Variants in NHLRC2 observed in about 807,000 individuals in gnomAD.
NHLRC2 encodes the protein NHL repeat containing 2.
A neutral mutation model predicts 68.1 loss-of-function variants in NHLRC2; 33 were observed. The ratio of observed to expected loss-of-function variants is 0.48; its 90% CI spans 0.37 to 0.65. NHLRC2 has a LOEUF of 0.65. Ranked by LOEUF, NHLRC2 falls within the 30% of genes least tolerant of loss-of-function variation. The pLI, the probability that NHLRC2 is intolerant of heterozygous loss-of-function variation, is 0.00. For synonymous variants in NHLRC2, 311 were observed against 309.6 expected (o/e 1.00, Z -0.05); for missense variants, 761 against 853.8 (o/e 0.89, Z 1.35).
intron 2 of NHLRC2, among the ~76,000 whole-genome samples, chr10:113,863,167 C>T (rs2134690387): frequency 6.6e-6 from 1 of 152,260 alleles, no homozygotes; most frequent in South Asian, 2.1e-4. Context: ...TAACACTACC[C>T]AACAACAACA....
At chr10:113,896,772 A>C (rs900758360) in intron 5 of NHLRC2, among the ~76,000 whole-genome samples, 1 of 152,154 alleles carries the variant, frequency 6.6e-6, no homozygotes, top group African/African-American at 2.4e-5. Flanking sequence ...AGGTGGGCAG[A>C]TCACGAGGTT....
intron 2 of NHLRC2, among the ~76,000 whole-genome samples, chr10:113,862,944 C>T (rs1845830401): frequency 6.6e-6 from 1 of 152,134 alleles, no homozygotes; most frequent in African/African-American, 2.4e-5. Context: ...AGTTGGAGAC[C>T]AGCCTGAGTA....
intron 5 of NHLRC2, among the ~76,000 whole-genome samples, chr10:113,887,611 A>G (rs907363885): frequency 6.6e-6 from 1 of 152,088 alleles, no homozygotes; most frequent in African/African-American, 2.4e-5. Context: ...CTATACAAGA[A>G]TACAAAAATT....
intron 2 of NHLRC2, among the ~76,000 whole-genome samples, chr10:113,863,922 A>G (rs1450867340): frequency 2.6e-5 from 4 of 152,236 alleles, no homozygotes; most frequent in Admixed American, 2.6e-4. Flanking sequence ...GAAGAAATAG[A>G]AAACCTGAAT....
intron 10 of NHLRC2, among the ~76,000 whole-genome samples, chr10:113,907,314 A>G (rs1846285590): frequency 6.6e-6 from 1 of 152,254 alleles, no homozygotes; most frequent in Non-Finnish European, 1.5e-5. Context: ...AGAACAAAAG[A>G]AAGAGACAGA....
At chr10:113,855,271 G>A (rs1845736173) in intron 1 of NHLRC2, among the ~76,000 whole-genome samples, 1 of 152,204 alleles carries the variant, frequency 6.6e-6, no homozygotes, top group Non-Finnish European at 1.5e-5. Context: ...CCACATACTC[G>A]TCTGTGTATC....
rs1846297656 is a variant in NHLRC2, at chr10:113,908,780, A to G, written c.*244A>G. The stretch of plus-strand genomic sequence containing the variant: ...TCATCATTGGTACCATGATATTGTA[A>G]TCTATGCTGCTATTTGGCACAAGAC... On this transcript the variant is annotated 3_prime_UTR_variant, in exon 11 of 11. Coordinates refer to ENST00000369301, the MANE Select transcript of NHLRC2 (RefSeq NM_198514.4). The G allele has an allele frequency of 3.9e-6, 2 of 507,052 alleles. No individual in the cohort carries two copies. The highest frequency in any genetic ancestry group is 7.1e-6 in the Non-Finnish European group (2 of 282,484). The allele number at this position is 507,052 out of a possible 1,614,324, so 31.4% of individuals were successfully genotyped here.
In NHLRC2 at chr10:113,915,953, T is replaced by C. The variant is rs1052369811; in HGVS notation, c.*7417T>C. ...CCTGTTATTCCTTCTTTATCTAATG[T>C]GTGCTAAGCTTGTGAAAAATATATG... On this transcript the variant is annotated 3_prime_UTR_variant, in exon 11 of 11. Transcript: ENST00000369301. 1.3e-5 allele frequency: 2 copies of C among 152,222 alleles called. No homozygotes were observed. The highest frequency in any genetic ancestry group is 4.8e-5 in the African/African-American group (2 of 41,460). 9.4% of individuals were successfully genotyped at this position (152,222 alleles called of 1,614,324 possible).
At chr10:113,869,384 G>A (rs916809642) in intron 2 of NHLRC2, among the ~76,000 whole-genome samples, 1 of 152,152 alleles carries the variant, frequency 6.6e-6, no homozygotes, top group South Asian at 2.1e-4. Flanking sequence ...ATATCTTTGA[G>A]ACTTGCCCTT....
At chr10:113,866,885 T>A (rs1845872754) in intron 2 of NHLRC2, among the ~76,000 whole-genome samples, 1 of 151,854 alleles carries the variant, frequency 6.6e-6, no homozygotes, top group Non-Finnish European at 1.5e-5. Flanking sequence ...TGCATGGGGC[T>A]GAGTTGAAGG....
chr10:113,885,703 TAAAA>T (rs1376323702), intron 5 of NHLRC2, among the ~76,000 whole-genome samples: 1 of 152,026 alleles, frequency 6.6e-6, no homozygotes, highest in Non-Finnish European at 1.5e-5. Context: ...TTTTGAGTGA[TAAAA>T]GAAAGTTACA....
intron 5 of NHLRC2, among the ~76,000 whole-genome samples, chr10:113,896,572 T>G: frequency 6.7e-6 from 1 of 150,238 alleles, no homozygotes; most frequent in Admixed American, 6.6e-5. Context: ...TGCTAGATGA[T>G]GAGTTAGTGG....
chr10:113,875,196 C>G (rs1386746210), intron 2 of NHLRC2, among the ~76,000 whole-genome samples: 2 of 151,884 alleles, frequency 1.3e-5, no homozygotes, highest in Non-Finnish European at 2.9e-5. Context: ...CATTGGTAGC[C>G]TTATTTTAGT....
intron 10 of NHLRC2, among the ~76,000 whole-genome samples, chr10:113,906,075 T>A (rs1349348433): frequency 1.3e-5 from 2 of 152,210 alleles, no homozygotes; most frequent in African/African-American, 4.8e-5. Context: ...GACTGCCAAT[T>A]TAAGTCTGGA....
Position 113,914,821 on chromosome 10 carries a change from A to G in NHLRC2, c.*6285A>G, listed in dbSNP as rs986288923. The G allele has an allele frequency of 1.5e-5, 5 of 344,696 alleles. No homozygotes were observed. The highest frequency in any genetic ancestry group is 2.3e-5 in the Non-Finnish European group (4 of 175,262). 21.4% of individuals were successfully genotyped at this position (344,696 alleles called of 1,614,324 possible). On this transcript the variant is annotated 3_prime_UTR_variant, in exon 11 of 11. Coordinates refer to ENST00000369301, the MANE Select transcript of NHLRC2 (RefSeq NM_198514.4). ...ATAATTAAGAGTTTGCTTTTTTCCC[A>G]TGTCTTTGCAATAGGATAATATAAA...
At chr10:113,874,393 A>G (rs1411520537) in intron 2 of NHLRC2, among the ~76,000 whole-genome samples, 5 of 150,902 alleles carry the variant, frequency 3.3e-5, no homozygotes, top group African/African-American at 7.3e-5. Flanking sequence ...TCCCCCAGGC[A>G]ACCATTCCTC....
Position 113,882,715 on chromosome 10 carries a change from T to C in NHLRC2, c.910-1536T>C, listed in dbSNP as rs797000606. 7.9e-5 allele frequency among the ~76,000 whole-genome samples: 12 copies of C among 151,944 alleles called. 1 individual carries two copies. Among genetic ancestry groups the C allele is most frequent in the African/African-American group, 2.9e-4 (12 of 41,556 alleles). ...ATTTTGATGATGACTGATTTGTCCA[T>C]TTTTTCCTTTTGTTGCTTATGTTTT... is the stretch of plus-strand genomic sequence containing the variant. On this transcript the variant is annotated intron_variant, in intron 4 of 10. Coordinates refer to ENST00000369301, the MANE Select transcript of NHLRC2 (RefSeq NM_198514.4).
At chr10:113,886,737 A>G (rs1846086337) in intron 5 of NHLRC2, among the ~76,000 whole-genome samples, 1 of 152,186 alleles carries the variant, frequency 6.6e-6, no homozygotes, top group Non-Finnish European at 1.5e-5. Context: ...AAAATAGATT[A>G]AAGACTCACA....
chr10:113,861,229 A>G (rs149810445), intron 2 of NHLRC2, among the ~76,000 whole-genome samples: 4 of 152,306 alleles, frequency 2.6e-5, no homozygotes, highest in Non-Finnish European at 5.9e-5. Flanking sequence ...TCAGACCAGC[A>G]TGTGCATTTT....
Sources: allele counts gnomAD v4.1 joint callset (sites outside exome capture counted in the v4.1 genomes callset), GRCh38; gene constraint gnomAD v4.1.1; transcripts MANE v1.5; gene names NCBI Gene and HGNC (gene_info 2026-07-23, HGNC 2026-07-21).